The following SAMD5 variants were observed in gnomAD, a reference collection of about 807,000 sequenced individuals.
SAMD5 encodes the protein sterile alpha motif domain containing 5.
In SAMD5, 13 loss-of-function variants were observed where a neutral mutation model predicts 11.3. The ratio of observed to expected loss-of-function variants is 1.15; its 90% CI spans 0.75 to 1.83. The LOEUF is 1.83. Ranked by LOEUF, SAMD5 falls within the 40% of genes most tolerant of loss-of-function variation. The pLI, the probability that SAMD5 is intolerant of heterozygous loss-of-function variation, is 0.00. For synonymous variants in SAMD5, 129 were observed against 111.3 expected (o/e 1.16, Z -1.00); for missense variants, 255 against 239.1 (o/e 1.07, Z -0.44).
chr6:147,922,154 C>A, the SAMD5 span, among the ~76,000 whole-genome samples: 2 of 152,054 alleles, frequency 1.3e-5, no homozygotes, highest in South Asian at 4.1e-4. Context: ...CCCCAGGGCC[C>A]GTGTGTGTCT....
chr6:147,916,384 TC>T, the SAMD5 span, among the ~76,000 whole-genome samples: 1 of 152,210 alleles, frequency 6.6e-6, no homozygotes, highest in Middle Eastern at 3.4e-3. Context: ...GTAAAAGTGT[TC>T]CTATTTTTCC....
At chr6:147,638,484 G>A (rs1236666329) in intron 1 of SAMD5, among the ~76,000 whole-genome samples, 1 of 152,188 alleles carries the variant, frequency 6.6e-6, no homozygotes, top group East Asian at 1.9e-4. Flanking sequence ...TGAAAACCCT[G>A]ATGAGGAATG....
chr6:147,545,721 T>C (rs1409887520), intron 1 of SAMD5, among the ~76,000 whole-genome samples: 3 of 152,170 alleles, frequency 2.0e-5, no homozygotes, highest in South Asian at 4.1e-4. Context: ...CAAGTACAAA[T>C]GTGTGCATGT....
At chr6:147,761,040 C>T in the SAMD5 span, among the ~76,000 whole-genome samples, 3 of 152,120 alleles carry the variant, frequency 2.0e-5, no homozygotes, top group African/African-American at 7.2e-5. Context: ...AGTTTTCATA[C>T]ATGTAAAATA....
At chr6:147,851,417 A>C in the SAMD5 span, among the ~76,000 whole-genome samples, 1 of 152,184 alleles carries the variant, frequency 6.6e-6, no homozygotes, top group South Asian at 2.1e-4. Flanking sequence ...CCCTCAAATA[A>C]GGGGAGACTA....
chr6:147,893,204 A>G, the SAMD5 span, among the ~76,000 whole-genome samples: 6 of 100,274 alleles, frequency 6.0e-5, no homozygotes, highest in East Asian at 2.5e-4. Context: ...CTCTGTCTAG[A>G]AAAAAAAAAA....
intron 1 of SAMD5, among the ~76,000 whole-genome samples, chr6:147,715,999 G>A (rs1252742310): frequency 6.6e-6 from 1 of 152,138 alleles, no homozygotes; most frequent in East Asian, 1.9e-4. Flanking sequence ...TCCCACTCTG[G>A]TCCATGGGAC....
chr6:147,831,098 T>G, the SAMD5 span, among the ~76,000 whole-genome samples: 1 of 152,204 alleles, frequency 6.6e-6, no homozygotes, highest in Non-Finnish European at 1.5e-5. Flanking sequence ...GAAGATAAAG[T>G]TAAAAATATC....
chr6:147,591,245 C>G (rs549074889), intron 1 of SAMD5, among the ~76,000 whole-genome samples: 1 of 152,178 alleles, frequency 6.6e-6, no homozygotes, highest in South Asian at 2.1e-4. Context: ...ATAAGAAAAG[C>G]ACTTCACTCT....
chr6:147,922,550 T>C, the SAMD5 span, among the ~76,000 whole-genome samples: 1 of 152,144 alleles, frequency 6.6e-6, no homozygotes, highest in Non-Finnish European at 1.5e-5. Flanking sequence ...ACTAAAATAT[T>C]ATAAGCATGA....
the SAMD5 span, among the ~76,000 whole-genome samples, chr6:147,839,547 C>T: frequency 3.3e-5 from 5 of 151,948 alleles, no homozygotes; most frequent in African/African-American, 4.8e-5. Context: ...GTCGGGAGTT[C>T]GAGACCACCC....
chr6:147,585,503 G>A (rs2128446680), intron 1 of SAMD5, among the ~76,000 whole-genome samples: 1 of 152,168 alleles, frequency 6.6e-6, no homozygotes, highest in South Asian at 2.1e-4. Flanking sequence ...ACTTAGTAAT[G>A]GGAAGGCACC....
the SAMD5 span, among the ~76,000 whole-genome samples, chr6:147,897,278 C>T: frequency 3.3e-5 from 5 of 152,202 alleles, no homozygotes; most frequent in Admixed American, 1.3e-4. Context: ...AAAGATAACC[C>T]GCTAGATTGT....
intron 1 of SAMD5, among the ~76,000 whole-genome samples, chr6:147,542,531 A>G (rs750985342): frequency 2.8e-4 from 42 of 152,264 alleles, no homozygotes; most frequent in Non-Finnish European, 4.9e-4. Flanking sequence ...GGTGGGGGGA[A>G]GCCAGTGAGC....
chr6:147,652,289 T>G (rs191023664), intron 1 of SAMD5, among the ~76,000 whole-genome samples: 52 of 152,264 alleles, frequency 3.4e-4, no homozygotes, highest in African/African-American at 1.1e-3. Context: ...TTTTTGTTTG[T>G]TTGGTTGGTT....
chr6:147,952,124 G>A, the SAMD5 span, among the ~76,000 whole-genome samples: 2 of 152,072 alleles, frequency 1.3e-5, no homozygotes, highest in Admixed American at 6.6e-5. Context: ...TCCAAGGCAC[G>A]CTGATTAATC....
chr6:147,655,965 A>C (rs1047026238), intron 1 of SAMD5, among the ~76,000 whole-genome samples: 3 of 152,342 alleles, frequency 2.0e-5, no homozygotes, highest in African/African-American at 7.2e-5. Context: ...ACCAAATAAC[A>C]CAGCAACTGC....
chr6:147,801,555 C>T, the SAMD5 span, among the ~76,000 whole-genome samples: 3 of 152,182 alleles, frequency 2.0e-5, no homozygotes, highest in Admixed American at 6.6e-5. Flanking sequence ...GAGGACAAGA[C>T]AGTGGCCAGT....
chr6:147,621,408 G>A (rs759116685), intron 1 of SAMD5, among the ~76,000 whole-genome samples: 2 of 152,188 alleles, frequency 1.3e-5, no homozygotes, highest in Non-Finnish European at 2.9e-5. Flanking sequence ...AGGAGAAAGG[G>A]AGAGTCAGGG....
Sources: gnomAD v4.1 joint callset for allele counts (sites outside exome capture counted in the v4.1 genomes callset) on GRCh38, gnomAD v4.1.1 for gene constraint, MANE v1.5 for transcripts, NCBI Gene and HGNC (gene_info 2026-07-23, HGNC 2026-07-21) for gene names.